The following OR2C1 variants were observed in gnomAD, a reference collection of about 807,000 sequenced individuals.
OR2C1 encodes olfactory receptor 2C1.
For missense variants in OR2C1, 468 were observed against 388.3 expected (o/e 1.21, Z -1.73); for synonymous variants, 209 against 167.3 (o/e 1.25, Z -1.92).
the OR2C1 span, among the ~76,000 whole-genome samples, chr16:3,338,769 C>T: frequency 2.6e-5 from 4 of 152,050 alleles, no homozygotes; most frequent in Non-Finnish European, 5.9e-5. Flanking sequence ...ATCTCCTGAC[C>T]TTGTGATCCG....
At chr16:3,337,151 G>A in the OR2C1 span, among the ~76,000 whole-genome samples, 17 of 95,996 alleles carry the variant, frequency 1.8e-4, no homozygotes, top group East Asian at 7.0e-4. Context: ...CATTGTGTCC[G>A]GCCTTTTTTT....
chr16:3,324,191 T>A, the OR2C1 span, among the ~76,000 whole-genome samples: 274 of 152,032 alleles, frequency 1.8e-3, no homozygotes, highest in African/African-American at 4.4e-3. Context: ...GGAAAAAAAA[T>A]TTTTTATTTT....
the OR2C1 span, among the ~76,000 whole-genome samples, chr16:3,347,867 CACACACGCACAT>C: frequency 0.8 from 120,165 of 150,662 alleles, 47,973 homozygotes; most frequent in East Asian, 0.91. Flanking sequence ...CACGCGCACA[CACACACGCACAT>C]GCACACATGC....
chr16:3,351,821 C>G (rs1273713594), upstream of OR2C1, among the ~76,000 whole-genome samples: 1 of 151,566 alleles, frequency 6.6e-6, no homozygotes, highest in Non-Finnish European at 1.5e-5. Flanking sequence ...CTTCTCTAGC[C>G]TTTTCCAGTC....
the OR2C1 span, among the ~76,000 whole-genome samples, chr16:3,326,644 G>A: frequency 6.6e-6 from 1 of 152,232 alleles, no homozygotes; most frequent in Non-Finnish European, 1.5e-5. Flanking sequence ...AATGGAGAAT[G>A]TGACCCAACC....
At chr16:3,341,165 C>T in the OR2C1 span, among the ~76,000 whole-genome samples, 2 of 152,006 alleles carry the variant, frequency 1.3e-5, no homozygotes, top group East Asian at 3.9e-4. Flanking sequence ...CTTTCATCTA[C>T]TTGGTTGAAT....
the OR2C1 span, among the ~76,000 whole-genome samples, chr16:3,339,840 G>A: frequency 1.7e-3 from 264 of 152,204 alleles, no homozygotes; most frequent in Non-Finnish European, 2.7e-3. Flanking sequence ...TATCATTATA[G>A]CCATTTAATG....
At chr16:3,340,647 A>G in the OR2C1 span, among the ~76,000 whole-genome samples, 1 of 152,040 alleles carries the variant, frequency 6.6e-6, no homozygotes, top group Non-Finnish European at 1.5e-5. Flanking sequence ...GTCCAACTTG[A>G]TTCTTTTGCA....
At chr16:3,332,475 A>G in the OR2C1 span, among the ~76,000 whole-genome samples, 1 of 151,948 alleles carries the variant, frequency 6.6e-6, no homozygotes. Flanking sequence ...ACCTAACTGT[A>G]TATTTGTACC....
chr16:3,356,087 C>G lies in OR2C1; in HGVS notation c.147C>G (p.Ser49=), dbSNP rs1490877908. 3 of 1,614,178 alleles carry G rather than the reference C, an allele frequency of 1.9e-6. No homozygotes were observed. The East Asian group carries it at 6.7e-5, about 36-fold the overall frequency. ...LLGNSTIILL[S]RLEARLHTPM... is the part of the protein sequence containing the mutation. ...GGAACTCAACCATCATCTTGCTTTCCCGCCTGGAGGCCCGGCTCCATACAC... is the reference window on the plus strand; with the variant it reads ...GGAACTCAACCATCATCTTGCTTTCGCGCCTGGAGGCCCGGCTCCATACAC... The change falls in exon 1 of 1, where the codon TCC becomes TCG. Residue 49 remains serine, a synonymous_variant. Coordinates refer to ENST00000304936, the MANE Select transcript of OR2C1 (RefSeq NM_012368.3).
the OR2C1 span, chr16:3,322,992 T>C: frequency 1.1e-6 from 1 of 934,358 alleles, no homozygotes; most frequent in East Asian, 1.2e-4. Flanking sequence ...AATTTTTCCT[T>C]GGAACTGGAC....
upstream of OR2C1, among the ~76,000 whole-genome samples, chr16:3,353,637 C>T (rs939219003): frequency 6.6e-6 from 1 of 152,008 alleles, no homozygotes; most frequent in Admixed American, 6.6e-5. Flanking sequence ...CCCGCCTCTA[C>T]TAAAAATACA....
At chr16:3,341,748 T>A in the OR2C1 span, among the ~76,000 whole-genome samples, 1 of 152,228 alleles carries the variant, frequency 6.6e-6, no homozygotes, top group Non-Finnish European at 1.5e-5. Flanking sequence ...GCCATCTTCC[T>A]GGCACATGGA....
the OR2C1 span, among the ~76,000 whole-genome samples, chr16:3,336,708 C>CTTTTTTTTT: frequency 1.1e-4 from 10 of 93,764 alleles, no homozygotes; most frequent in East Asian, 3.2e-4. Context: ...TTCTTTCTTT[C>CTTTTTTTTT]TTTCTTTTTT....
chr16:3,323,458 T>A, the OR2C1 span: 1 of 740,196 alleles, frequency 1.4e-6, no homozygotes, highest in Admixed American at 1.8e-5. Flanking sequence ...CCTTGGCTTG[T>A]CCATGTTTCA....
At chr16:3,346,282 A>G in the OR2C1 span, among the ~76,000 whole-genome samples, 1 of 152,328 alleles carries the variant, frequency 6.6e-6, no homozygotes, top group Admixed American at 6.5e-5. Flanking sequence ...AGACATGACT[A>G]GGAATGTAGG....
chr16:3,356,062 G>A lies in OR2C1; in HGVS notation c.122G>A (p.Gly41Glu). ...TTCTCCTATTTGCTGACCCTACTTG[G>A]GAACTCAACCATCATCTTGCTTTCC... ...ILFSYLLTLL[G>E]NSTIILLSRL... Residue 41 changes from glycine (G) to glutamate (E), a missense_variant, in exon 1 of 1, where the codon GGG becomes GAG. Gly to Glu is a moderately conservative substitution (Grantham distance 98). Transcript: ENST00000304936. 6.2e-7 allele frequency: 1 copy of A among 1,614,068 alleles called. No individual in the cohort carries two copies. Among genetic ancestry groups the A allele is most frequent in the Non-Finnish European group, 8.5e-7 (1 of 1,180,008 alleles).
chr16:3,347,796 GCA>G, the OR2C1 span, among the ~76,000 whole-genome samples: 1 of 150,106 alleles, frequency 6.7e-6, no homozygotes, highest in Non-Finnish European at 1.5e-5. Context: ...ACACACACAT[GCA>G]CACACGCACG....
At chr16:3,331,781 GTT>G in the OR2C1 span, among the ~76,000 whole-genome samples, 2 of 150,360 alleles carry the variant, frequency 1.3e-5, no homozygotes, top group African/African-American at 4.9e-5. Context: ...GCACACGTAT[GTT>G]TATTGCGGCA....
Sources: gnomAD v4.1 joint callset for allele counts (sites outside exome capture counted in the v4.1 genomes callset) on GRCh38, gnomAD v4.1.1 for gene constraint, MANE v1.5 for transcripts, NCBI Gene and HGNC (gene_info 2026-07-23, HGNC 2026-07-21) for gene names.